The following ADGRL3 variants were observed in gnomAD, a reference collection of about 807,000 sequenced individuals.
The protein encoded by ADGRL3 is adhesion G protein-coupled receptor L3.
In ADGRL3, 62 loss-of-function variants were observed where a neutral mutation model predicts 153.5. That is an observed-to-expected ratio of 0.40 (90% CI 0.33 to 0.50). The LOEUF (loss-of-function observed/expected upper bound fraction) is 0.50, where lower values mean the gene tolerates loss of function less well. ADGRL3 is among the 20% of genes least tolerant of loss of function. The probability of loss-of-function intolerance (pLI) is 0.47; values close to 1 mark genes in which losing one functional copy is unlikely to be tolerated. For synonymous variants in ADGRL3, 710 were observed against 672.5 expected, an observed-to-expected ratio of 1.06 and a Z score of -0.86; for missense variants, 1,641 against 1,859.4, an observed-to-expected ratio of 0.88 and a Z score of 2.16.
chr4:61,438,394 G>A (rs961670933), intron 2 of ADGRL3, among the ~76,000 whole-genome samples: 1 of 148,738 alleles, frequency 6.7e-6, no homozygotes, highest in Non-Finnish European at 1.5e-5. Context: ...TAAATTTTAG[G>A]GTACATGTGC....
chr4:61,267,691 C>T (rs1374272052), intron 1 of ADGRL3, among the ~76,000 whole-genome samples: 3 of 151,754 alleles, frequency 2.0e-5, no homozygotes, highest in African/African-American at 4.8e-5. Context: ...TTTCCCGCCT[C>T]TCTCTCATGT....
chr4:61,367,451 T>C (rs2096423928), intron 1 of ADGRL3, among the ~76,000 whole-genome samples: 1 of 151,110 alleles, frequency 6.6e-6, no homozygotes, highest in African/African-American at 2.4e-5. Context: ...TGTGTTCTCA[T>C]TGTTCAATTC....
At chr4:61,554,716 ATC>A (rs1281143820) in intron 4 of ADGRL3, among the ~76,000 whole-genome samples, 6 of 152,182 alleles carry the variant, frequency 3.9e-5, no homozygotes, top group Non-Finnish European at 8.8e-5. Context: ...ATTAAACTGT[ATC>A]TCTGTGTAAG....
In ADGRL3 at chr4:61,412,843, T is replaced by C. The variant is rs183876206; in HGVS notation, c.-174+29654T>C. On this transcript the variant is annotated intron_variant, in intron 2 of 26. Coordinates refer to ENST00000683033, the MANE Select transcript of ADGRL3 (RefSeq NM_001387552.1). Reference sequence around the variant, plus strand: ...TTTCATGCATTTTTGTAATTGCTCATTGGGAAATTTTTATGATGATTGCTT... The same window carrying C: ...TTTCATGCATTTTTGTAATTGCTCACTGGGAAATTTTTATGATGATTGCTT... 1.2e-3 allele frequency among the ~76,000 whole-genome samples: 187 copies of C among 152,308 alleles called. 1 individual carries two copies. The highest frequency in any genetic ancestry group is 4.3e-3 in the Admixed American group (65 of 15,286).
intron 1 of ADGRL3, among the ~76,000 whole-genome samples, chr4:61,292,103 G>A: frequency 6.6e-6 from 1 of 151,192 alleles, no homozygotes; most frequent in Admixed American, 6.6e-5. Context: ...AGGTTTGTAG[G>A]GTCAAAAGTA....
intron 5 of ADGRL3, among the ~76,000 whole-genome samples, chr4:61,600,961 A>T (rs2099009219): frequency 6.6e-6 from 1 of 152,180 alleles, no homozygotes. Flanking sequence ...TATGCAGTTT[A>T]ACCTTCAAAA....
chr4:61,827,447 T>G (rs1250189679), intron 9 of ADGRL3, among the ~76,000 whole-genome samples: 1 of 152,198 alleles, frequency 6.6e-6, no homozygotes, highest in Non-Finnish European at 1.5e-5. Flanking sequence ...ATAATCGATC[T>G]TTGTATACTA....
intron 1 of ADGRL3, among the ~76,000 whole-genome samples, chr4:61,299,697 C>G (rs1381679466): frequency 6.6e-6 from 1 of 152,094 alleles, no homozygotes; most frequent in Non-Finnish European, 1.5e-5. Context: ...GAACTGCTTT[C>G]TTTTACTTTG....
chr4:62,028,832 C>A (rs890128671), intron 21 of ADGRL3, 23 bp from the exon 22 acceptor site: 5 of 1,594,564 alleles, frequency 3.1e-6, no homozygotes, highest in Non-Finnish European at 4.3e-6. Context: ...GTGTTCTTGT[C>A]TTTATGTCTA....
intron 5 of ADGRL3, among the ~76,000 whole-genome samples, chr4:61,588,183 G>A (rs1164576616): frequency 6.6e-6 from 1 of 151,678 alleles, no homozygotes; most frequent in Non-Finnish European, 1.5e-5. Flanking sequence ...TCAGAAATCA[G>A]GGATAAAGTC....
At chr4:61,836,525 A>G (rs1464240663) in intron 9 of ADGRL3, among the ~76,000 whole-genome samples, 1 of 152,020 alleles carries the variant, frequency 6.6e-6, no homozygotes, top group Non-Finnish European at 1.5e-5. Flanking sequence ...ATGAAAGTTG[A>G]ATGTGTGATA....
chr4:61,581,909 T>G (rs2098927451), intron 4 of ADGRL3, among the ~76,000 whole-genome samples: 1 of 152,138 alleles, frequency 6.6e-6, no homozygotes, highest in African/African-American at 2.4e-5. Context: ...AACCATCTTT[T>G]CTTATCTTTA....
chr4:61,974,360 T>C (rs1314929667), intron 17 of ADGRL3, among the ~76,000 whole-genome samples: 1 of 152,182 alleles, frequency 6.6e-6, no homozygotes, highest in Non-Finnish European at 1.5e-5. Context: ...ATTAGATAAC[T>C]CATACTTGAT....
intron 17 of ADGRL3, among the ~76,000 whole-genome samples, chr4:61,975,108 A>G (rs899150820): frequency 1.3e-5 from 2 of 152,136 alleles, no homozygotes; most frequent in Non-Finnish European, 2.9e-5. Flanking sequence ...GCTTTCTTTC[A>G]GTTAGGGAGG....
chr4:62,053,474 G>C (rs993396124), intron 25 of ADGRL3, among the ~76,000 whole-genome samples: 1 of 151,396 alleles, frequency 6.6e-6, no homozygotes, highest in African/African-American at 2.4e-5. Flanking sequence ...AAGGAATGTG[G>C]CCGCTTCAGA....
At chr4:61,935,583 T>C (rs2098835074) in intron 14 of ADGRL3, among the ~76,000 whole-genome samples, 1 of 152,122 alleles carries the variant, frequency 6.6e-6, no homozygotes, top group Non-Finnish European at 1.5e-5. Context: ...ATTGATATGA[T>C]AGTACAGCTC....
intron 4 of ADGRL3, among the ~76,000 whole-genome samples, chr4:61,540,722 G>A (rs914041974): frequency 1.3e-5 from 2 of 152,120 alleles, no homozygotes; most frequent in Non-Finnish European, 2.9e-5. Context: ...CAATTTTCAG[G>A]TTAAGTTCAT....
At chr4:61,960,699 T>C (rs1020540008) in intron 17 of ADGRL3, among the ~76,000 whole-genome samples, 10 of 151,832 alleles carry the variant, frequency 6.6e-5, no homozygotes, top group East Asian at 3.9e-4. Context: ...GGATTAGTGT[T>C]TTTTGTTTTG....
At chr4:61,442,905 A>G (rs753837393) in intron 2 of ADGRL3, among the ~76,000 whole-genome samples, 49 of 152,152 alleles carry the variant, frequency 3.2e-4, no homozygotes, top group Non-Finnish European at 6.3e-4. Context: ...AGAGAGAGTG[A>G]ATGTAAAACA....
Sources: allele counts gnomAD v4.1 joint callset (sites outside exome capture counted in the v4.1 genomes callset), GRCh38; gene constraint gnomAD v4.1.1; transcripts MANE v1.5; gene names NCBI Gene and HGNC (gene_info 2026-07-23, HGNC 2026-07-21).